The following NRG3 variants were observed in gnomAD, a reference collection of about 807,000 sequenced individuals.
NRG3 encodes pro-neuregulin-3, membrane-bound isoform.
Under a neutral mutation model 66.9 loss-of-function variants are expected in NRG3, and 31 were observed. The ratio of observed to expected loss-of-function variants is 0.46; its 90% CI spans 0.35 to 0.63. NRG3 has a LOEUF of 0.63. Among genes scored for constraint, NRG3 ranks in the 20% least tolerant of loss-of-function variants. NRG3 has a pLI of 0.00. For synonymous variants in NRG3, 393 were observed against 359.4 expected (o/e 1.09, Z -1.06); for missense variants, 910 against 878.9 (o/e 1.04, Z -0.45).
chr10:82,489,383 TA>T lies in NRG3; in HGVS notation c.953+130517del, dbSNP rs1274770284. ...AGTTTCTGTAGGCAGTTTTCTGGAATAAGCTTCTCTATGGCTGGTATTGCAT... is the reference window on the plus strand; with the variant it reads ...AGTTTCTGTAGGCAGTTTTCTGGAATAGCTTCTCTATGGCTGGTATTGCAT... On this transcript the variant is annotated intron_variant, in intron 2 of 8. Transcript: ENST00000372141. Among the ~76,000 whole-genome samples the T allele has an allele frequency of 3.9e-5, 6 of 152,336 alleles. No individual in the cohort carries two copies. The East Asian group carries it at 9.6e-4, about 24-fold the overall frequency.
intron 1 of NRG3, among the ~76,000 whole-genome samples, chr10:82,264,910 C>A (rs1418626123): frequency 6.6e-6 from 1 of 152,054 alleles, no homozygotes; most frequent in Non-Finnish European, 1.5e-5. Flanking sequence ...GGGAAGTGAG[C>A]CAGTGAGTAC....
intron 1 of NRG3, among the ~76,000 whole-genome samples, chr10:82,127,231 A>G (rs1239710691): frequency 6.6e-6 from 1 of 152,060 alleles, no homozygotes. Flanking sequence ...CTTAAAACCA[A>G]AGTGATGGGG....
At chr10:82,293,567 C>T (rs1444070712) in intron 1 of NRG3, among the ~76,000 whole-genome samples, 3 of 152,076 alleles carry the variant, frequency 2.0e-5, no homozygotes, top group Non-Finnish European at 4.4e-5. Flanking sequence ...AATTTTTCTC[C>T]TTCTCTTAGG....
intron 6 of NRG3, among the ~76,000 whole-genome samples, chr10:82,967,074 T>C (rs982218079): frequency 2.0e-5 from 3 of 151,386 alleles, no homozygotes; most frequent in Admixed American, 2.0e-4. Context: ...AAGCTAGGTG[T>C]GTATGTTATT....
chr10:82,675,918 C>A (rs1472783590), intron 2 of NRG3, among the ~76,000 whole-genome samples: 1 of 152,038 alleles, frequency 6.6e-6, no homozygotes, highest in Non-Finnish European at 1.5e-5. Flanking sequence ...TAGGCAAGAA[C>A]CATCCTGAAA....
intron 1 of NRG3, among the ~76,000 whole-genome samples, chr10:82,134,455 C>G (rs1225239999): frequency 6.6e-6 from 1 of 152,064 alleles, no homozygotes; most frequent in Non-Finnish European, 1.5e-5. Flanking sequence ...AGGAAAGGGT[C>G]CAGCTTCAGT....
At chr10:82,766,529 G>A (rs1374306087) in intron 3 of NRG3, among the ~76,000 whole-genome samples, 1 of 152,020 alleles carries the variant, frequency 6.6e-6, no homozygotes, top group Non-Finnish European at 1.5e-5. Context: ...AGGTTGGTTG[G>A]GCTAGTAGCT....
At chr10:81,949,628 T>A (rs1349716143) in intron 1 of NRG3, among the ~76,000 whole-genome samples, 1 of 152,150 alleles carries the variant, frequency 6.6e-6, no homozygotes, top group East Asian at 1.9e-4. Context: ...TTTCTGTATT[T>A]AATGGTTAAG....
intron 2 of NRG3, among the ~76,000 whole-genome samples, chr10:82,695,832 C>A (rs1460145344): frequency 6.6e-6 from 1 of 152,128 alleles, no homozygotes; most frequent in Non-Finnish European, 1.5e-5. Flanking sequence ...GACAACCTCA[C>A]TTATGTCATT....
intron 3 of NRG3, among the ~76,000 whole-genome samples, chr10:82,863,431 G>A (rs573150746): frequency 1.2e-4 from 19 of 152,202 alleles, no homozygotes; most frequent in African/African-American, 2.6e-4. Flanking sequence ...TTGAGGAATC[G>A]CCACACTGCC....
At chr10:82,930,856 C>CA (rs1564640311) in intron 4 of NRG3, among the ~76,000 whole-genome samples, 3 of 152,168 alleles carry the variant, frequency 2.0e-5, no homozygotes, top group South Asian at 4.1e-4. Flanking sequence ...TGGGGGATGA[C>CA]AGAAAACTTC....
intron 1 of NRG3, among the ~76,000 whole-genome samples, chr10:82,010,924 T>C (rs2061550716): frequency 2.0e-5 from 3 of 152,274 alleles, no homozygotes; most frequent in African/African-American, 7.2e-5. Context: ...ATGAGACGCT[T>C]CTTAAGATTT....
chr10:82,670,836 A>G (rs2053211462), intron 2 of NRG3, among the ~76,000 whole-genome samples: 1 of 152,186 alleles, frequency 6.6e-6, no homozygotes. Context: ...TTTTTAGGCA[A>G]TGCATTGAAA....
chr10:82,917,073 G>T (rs757409914), intron 4 of NRG3, among the ~76,000 whole-genome samples: 2 of 152,128 alleles, frequency 1.3e-5, no homozygotes, highest in African/African-American at 2.4e-5. Flanking sequence ...GTGCTTATAC[G>T]CTCCTCAGGG....
In NRG3 at chr10:82,718,323, A is replaced by T. The variant is rs147187468; in HGVS notation, c.954-20254A>T. 6.3e-3 allele frequency among the ~76,000 whole-genome samples: 964 copies of T among 152,286 alleles called. 11 individuals carry two copies. The highest frequency in any genetic ancestry group is 0.022 in the African/African-American group (924 of 41,574). On this transcript the variant is annotated intron_variant, in intron 2 of 8. Transcript: ENST00000372141. ...TGTCTTTATTAAAAGATACTTGAAGAGGTTTCTGTTGTGGTTTCCGTATAC... is the reference window on the plus strand; with the variant it reads ...TGTCTTTATTAAAAGATACTTGAAGTGGTTTCTGTTGTGGTTTCCGTATAC...
intron 2 of NRG3, among the ~76,000 whole-genome samples, chr10:82,394,892 T>G (rs1252206513): frequency 6.6e-6 from 1 of 152,172 alleles, no homozygotes; most frequent in Non-Finnish European, 1.5e-5. Flanking sequence ...TCTGTGCTGC[T>G]GTGGAATGAA....
At chr10:82,263,261 G>T (rs1204216637) in intron 1 of NRG3, among the ~76,000 whole-genome samples, 1 of 152,078 alleles carries the variant, frequency 6.6e-6, no homozygotes, top group Non-Finnish European at 1.5e-5. Flanking sequence ...AGATAGAGAT[G>T]ATTGAATTAG....
At chr10:82,125,217 C>T (rs1035276214) in intron 1 of NRG3, among the ~76,000 whole-genome samples, 4 of 151,720 alleles carry the variant, frequency 2.6e-5, no homozygotes, top group African/African-American at 9.7e-5. Context: ...GCAATGTCTG[C>T]GTGTTGAATG....
intron 1 of NRG3, among the ~76,000 whole-genome samples, chr10:82,221,914 C>G (rs1425522997): frequency 1.3e-5 from 2 of 151,962 alleles, no homozygotes; most frequent in East Asian, 2.0e-4. Flanking sequence ...ACGGACACTT[C>G]CAAACTAACC....
Sources: allele counts gnomAD v4.1 joint callset (sites outside exome capture counted in the v4.1 genomes callset), GRCh38; gene constraint gnomAD v4.1.1; transcripts MANE v1.5; gene names NCBI Gene and HGNC (gene_info 2026-07-23, HGNC 2026-07-21).